Variants in SCLT1 observed in about 807,000 individuals in gnomAD.
SCLT1 encodes sodium channel-associated protein 1.
A neutral mutation model predicts 112.8 loss-of-function variants in SCLT1; 78 were observed. That is an observed-to-expected ratio of 0.69 (90% CI 0.58 to 0.83). The LOEUF (loss-of-function observed/expected upper bound fraction) is 0.83, where lower values mean the gene tolerates loss of function less well. SCLT1 is among the 40% of genes least tolerant of loss of function. The pLI, the probability that SCLT1 is intolerant of heterozygous loss-of-function variation, is 0.00. For missense variants in SCLT1, 747 were observed against 770.4 expected, an observed-to-expected ratio of 0.97 and a Z score of 0.36; for synonymous variants, 257 against 254.7, an observed-to-expected ratio of 1.01 and a Z score of -0.09.
intron 2 of SCLT1, among the ~76,000 whole-genome samples, chr4:129,061,957 T>C (rs1445875778): frequency 6.6e-6 from 1 of 152,124 alleles, no homozygotes; most frequent in Non-Finnish European, 1.5e-5. Context: ...CAGATAAGCT[T>C]AGTGACTTTG....
chr4:128,930,580 C>T (rs1736676945), intron 18 of SCLT1, among the ~76,000 whole-genome samples: 1 of 151,986 alleles, frequency 6.6e-6, no homozygotes, highest in Admixed American at 6.6e-5. Context: ...AGATAGAAGG[C>T]GTTTCAAAAG....
chr4:128,934,120 A>G (rs1004375063), intron 18 of SCLT1, among the ~76,000 whole-genome samples: 10 of 151,932 alleles, frequency 6.6e-5, no homozygotes, highest in African/African-American at 2.4e-4. Context: ...TATAGTTCCA[A>G]AATTAAGCTT....
At chr4:128,896,254 GACCCCCAAGTAGCCTAACTGGGAGGT>G (rs755767911) in intron 18 of SCLT1, among the ~76,000 whole-genome samples, 7 of 152,226 alleles carry the variant, frequency 4.6e-5, no homozygotes, top group Non-Finnish European at 1.0e-4. Context: ...GTGGGTCCCT[GACCCCCAAGTAGCCTAACTGGGAGGT>G]ACCCCCCAGT....
rs765420668 is a variant in SCLT1, at chr4:128,891,054, C to G, written c.1908+5G>C. 6.2e-7 allele frequency: 1 copy of G among 1,608,084 alleles called. No homozygotes were observed. ...AAGCACTTCCCAGGGGAGTCATTAT[C>G]TCACCTCAGCTACCTTTTCATTTGC... On this transcript the variant is annotated splice_donor_5th_base_variant and intron_variant, in intron 19 of 20. Coordinates refer to ENST00000281142, the MANE Select transcript of SCLT1 (RefSeq NM_144643.4).
intron 3 of SCLT1, among the ~76,000 whole-genome samples, chr4:128,878,688 G>T (rs1397284043): frequency 6.6e-6 from 1 of 151,938 alleles, no homozygotes; most frequent in African/African-American, 2.4e-5. Context: ...CATTTTTTTG[G>T]TCGATTAAAA....
chr4:128,982,691 G>A (rs1431852923), intron 9 of SCLT1, among the ~76,000 whole-genome samples: 1 of 151,970 alleles, frequency 6.6e-6, no homozygotes, highest in African/African-American at 2.4e-5. Flanking sequence ...TAGAAGAGAC[G>A]GGGTTTCACC....
chr4:129,033,502 T>TA (rs56325033), intron 5 of SCLT1, among the ~76,000 whole-genome samples: 1,985 of 44,304 alleles, frequency 0.045, 106 homozygotes, highest in African/African-American at 0.098. Context: ...GAACTTAAAG[T>TA]AAAAAAAAAA....
chr4:129,085,084 T>C (rs747398551), intron 1 of SCLT1, among the ~76,000 whole-genome samples: 10 of 152,120 alleles, frequency 6.6e-5, no homozygotes, highest in Non-Finnish European at 1.5e-4. Context: ...TGAACAGACA[T>C]GCTGCAAAGT....
At chr4:129,087,117 T>C (rs1262565542) in intron 1 of SCLT1, among the ~76,000 whole-genome samples, 1 of 152,006 alleles carries the variant, frequency 6.6e-6, no homozygotes, top group Non-Finnish European at 1.5e-5. Context: ...TGGACTCTTA[T>C]TAAGAGGTGG....
At chr4:128,931,741 C>T (rs1044583025) in intron 18 of SCLT1, among the ~76,000 whole-genome samples, 55 of 152,270 alleles carry the variant, frequency 3.6e-4, no homozygotes, top group African/African-American at 1.2e-3. Context: ...GGATTACAGG[C>T]GTGAGCCACC....
chr4:129,043,450 A>C lies in SCLT1; in HGVS notation c.179T>G (p.Val60Gly). The C allele has an allele frequency of 6.5e-7, 1 of 1,529,188 alleles. No individual in the cohort carries two copies. The highest frequency in any genetic ancestry group is 9.0e-7 in the Non-Finnish European group (1 of 1,113,974). The allele number at this position is 1,529,188 out of a possible 1,614,324, so 94.7% of individuals were successfully genotyped here. A position where few individuals can be genotyped will look rare whatever the true frequency, so the allele number is the denominator to read the frequency against. Residue 60 changes from valine (V) to glycine (G), a missense_variant, in exon 4 of 21, where the codon GTT becomes GGT. Physicochemically the swap from Val to Gly is moderately radical, Grantham distance 109. Coordinates refer to ENST00000281142, the MANE Select transcript of SCLT1 (RefSeq NM_144643.4). The stretch of plus-strand genomic sequence containing the variant: ...TCCTAGGTGTTTATCATACTCAGTA[A>C]CAAGAGGAGCTAAAAAGCTAAAAAA... ...VFDQSFLAPLVTEYDKHLGEL... is the reference protein window; with the variant it reads ...VFDQSFLAPLGTEYDKHLGEL...
chr4:128,921,852 A>C (rs1735908890), intron 18 of SCLT1, among the ~76,000 whole-genome samples: 1 of 152,228 alleles, frequency 6.6e-6, no homozygotes, highest in Non-Finnish European at 1.5e-5. Context: ...CAACAGAGTA[A>C]ATAGACAATC....
In SCLT1 at chr4:129,039,087, C is replaced by G; in HGVS notation, c.244G>C (p.Gly82Arg). The G allele has an allele frequency of 6.3e-7, 1 of 1,598,438 alleles. No individual in the cohort carries two copies. Among genetic ancestry groups the G allele is most frequent in the Non-Finnish European group, 8.6e-7 (1 of 1,166,444 alleles). ...GQLKYYQKQV[G>R]EMKLQLENVI... The stretch of plus-strand genomic sequence containing the variant: ...TTTTCAAGTTGTAATTTCATCTCAC[C>G]CACCTGTTTCTGAAAGAATAAAATA... The change falls in exon 5 of 21, where the codon GGT (glycine) becomes CGT (arginine). Residue 82 changes from glycine (G) to arginine (R), a missense_variant. By Grantham distance (125) the Gly-to-Arg change is moderately radical. Around this residue, in one of 2 missense-constraint regions of SCLT1, gnomAD observed 723 missense variants for 721.3 expected, o/e 1.00. Coordinates refer to ENST00000281142, the MANE Select transcript of SCLT1 (RefSeq NM_144643.4).
At chr4:129,069,970 C>T (rs1389967727) in intron 2 of SCLT1, among the ~76,000 whole-genome samples, 2 of 151,982 alleles carry the variant, frequency 1.3e-5, no homozygotes, top group African/African-American at 4.8e-5. Context: ...TAAAGGGGTG[C>T]CAGACTTTGT....
intron 5 of SCLT1, among the ~76,000 whole-genome samples, chr4:129,012,169 A>T (rs188774995): frequency 1.3e-5 from 2 of 152,278 alleles, no homozygotes; most frequent in African/African-American, 4.8e-5. Context: ...GTGAGCACTT[A>T]GTGCTATAAA....
intron 9 of SCLT1, chr4:128,971,905 C>A (rs1445409817): frequency 1.3e-5 from 2 of 152,232 alleles, no homozygotes; most frequent in African/African-American, 4.8e-5. Context: ...TGCCTGTAGT[C>A]CCAGCTACTT....
intron 5 of SCLT1, among the ~76,000 whole-genome samples, chr4:129,026,817 G>C (rs1746140573): frequency 6.6e-6 from 1 of 152,104 alleles, no homozygotes; most frequent in African/African-American, 2.4e-5. Flanking sequence ...GACTAATAAA[G>C]AAGGAAAGAG....
intron 9 of SCLT1, among the ~76,000 whole-genome samples, chr4:128,984,261 T>C (rs1435656893): frequency 2.0e-5 from 3 of 152,150 alleles, no homozygotes; most frequent in Non-Finnish European, 4.4e-5. Flanking sequence ...TCATCATACT[T>C]TTTTCCCCTG....
intron 2 of SCLT1, among the ~76,000 whole-genome samples, chr4:129,055,323 T>C (rs2083634): frequency 0.72 from 110,086 of 152,110 alleles, 41,802 homozygotes; most frequent in South Asian, 0.9. Context: ...TGTCAGGATC[T>C]GCTGCACTCT....
Sources: allele counts gnomAD v4.1 joint callset (sites outside exome capture counted in the v4.1 genomes callset), GRCh38; gene constraint gnomAD v4.1.1; regional missense constraint gnomAD v4.1.1; transcripts MANE v1.5; gene names NCBI Gene and HGNC (gene_info 2026-07-23, HGNC 2026-07-21).